Variants in MYOM3 observed in about 807,000 individuals in gnomAD.
MYOM3 encodes myomesin 3, also known as myomesin-3.
In MYOM3, 155 loss-of-function variants were observed where a neutral mutation model predicts 191.7. That is an observed-to-expected ratio of 0.81 (90% CI 0.71 to 0.92). The LOEUF (loss-of-function observed/expected upper bound fraction) is 0.92, where lower values mean the gene tolerates loss of function less well. MYOM3 is among the 40% of genes least tolerant of loss of function. The pLI, the probability that MYOM3 is intolerant of heterozygous loss-of-function variation, is 0.00. For synonymous variants in MYOM3, 757 were observed against 762.9 expected, an observed-to-expected ratio of 0.99 and a Z score of 0.13; for missense variants, 1,889 against 1,890.6, an observed-to-expected ratio of 1.00 and a Z score of 0.02.
At chr1:24,062,395 T>G (rs890544338) in intron 32 of MYOM3, among the ~76,000 whole-genome samples, 3 of 152,192 alleles carry the variant, frequency 2.0e-5, no homozygotes, top group African/African-American at 7.2e-5. Flanking sequence ...GTCACAGGGC[T>G]CAGAAACTCG....
rs72648550 is a variant in MYOM3 at position 24,090,707 on chromosome 1, T to C, written c.1432+90A>G. 5,090 of 1,325,288 alleles carry C rather than the reference T, an allele frequency of 3.8e-3. 21 individuals are homozygous for C. Among genetic ancestry groups the C allele is most frequent in the Non-Finnish European group, 4.9e-3 (4,574 of 936,342 alleles). The allele number at this position is 1,325,288 out of a possible 1,614,324, so 82.1% of individuals were successfully genotyped here. The stretch of plus-strand genomic sequence containing the variant: ...GTGCTTCCTCCACCAGACTCGGGGC[T>C]CCTGAGGGCTGGATTGTCTCCTGTG... On this transcript the variant is annotated intron_variant, in intron 12 of 36. Coordinates refer to ENST00000374434, the MANE Select transcript of MYOM3 (RefSeq NM_152372.4).
rs779890799 is a variant in MYOM3, at chr1:24,098,220, C to T, written c.657-209G>A. 3.3e-5 allele frequency among the ~76,000 whole-genome samples: 5 copies of T among 152,284 alleles called. 1 individual carries two copies. Among genetic ancestry groups the T allele is most frequent in the Middle Eastern group, 6.8e-3 (2 of 294 alleles). On this transcript the variant is annotated intron_variant, in intron 6 of 36. Transcript: ENST00000374434. ...GGTGTCCTCTGAAAAACTGGGGACACGACACCACCTAAACCGTCTCAGGAG... is the reference window on the plus strand; with the variant it reads ...GGTGTCCTCTGAAAAACTGGGGACATGACACCACCTAAACCGTCTCAGGAG...
At chr1:24,065,867 C>A (rs1643427489) in intron 29 of MYOM3, 24 bp downstream of exon 29, 2 of 1,524,960 alleles carry the variant, frequency 1.3e-6, no homozygotes, top group East Asian at 2.3e-5. Flanking sequence ...AGAAAGTGAG[C>A]CCTGAAGCTG....
intron 16 of MYOM3, 66 bp from the exon 17 acceptor site, chr1:24,082,780 G>A (rs1031767032): frequency 2.9e-5 from 44 of 1,493,650 alleles, no homozygotes; most frequent in African/African-American, 4.3e-5. Flanking sequence ...AAACTTGCTA[G>A]AACAACTTTG....
rs1643406621 is a variant in MYOM3 at position 24,064,131 on chromosome 1, C to G, written c.3563G>C (p.Arg1188Thr). Residue 1188 changes from arginine (R) to threonine (T), a missense_variant, in exon 30 of 37, where the codon AGA becomes ACA. Coordinates refer to ENST00000374434, the MANE Select transcript of MYOM3 (RefSeq NM_152372.4). ...CCCTCGATCGTCAGAAACCATCGCT[C>G]TGTAAATTCCCTTGTCCTTTTTGGA... is the stretch of plus-strand genomic sequence containing the variant. ...ELSKKDKGIYRAMVSDDRGED... is the reference protein window; with the variant it reads ...ELSKKDKGIYTAMVSDDRGED... 2 of 1,613,914 alleles carry G rather than the reference C, an allele frequency of 1.2e-6. No homozygotes were observed. Among genetic ancestry groups the G allele is most frequent in the Admixed American group, 3.3e-5 (2 of 60,000 alleles).
At chr1:24,107,385 C>T (rs1489223291) in intron 3 of MYOM3, among the ~76,000 whole-genome samples, 153 bp from the exon 4 acceptor site, 2 of 152,256 alleles carry the variant, frequency 1.3e-5, no homozygotes, top group Non-Finnish European at 2.9e-5. Context: ...TCCAAAACAG[C>T]CTGGAAGGGC....
At chr1:24,099,304 A>C (rs1034346873) in intron 6 of MYOM3, among the ~76,000 whole-genome samples, 5 of 152,148 alleles carry the variant, frequency 3.3e-5, no homozygotes, top group Non-Finnish European at 7.3e-5. Context: ...GCACAGGTGC[A>C]TATGTGTGCA....
Position 24,093,076 on chromosome 1 carries a change from T to A in MYOM3, c.961A>T (p.Ile321Phe). 6.2e-7 allele frequency: 1 copy of A among 1,611,596 alleles called. No individual in the cohort carries two copies. Among genetic ancestry groups the A allele is most frequent in the East Asian group, 2.2e-5 (1 of 44,826 alleles). ...GATGCCTGGCGGTCTGTGTAGAGGA[T>A]CTTCCGACGTCTCGAGGACCTCAGT... ...SLLRSSRRRK[I>F]LYTDRQASLK... is the part of the protein sequence containing the mutation. Residue 321 changes from isoleucine to phenylalanine, a missense_variant, in exon 10 of 37, where the codon ATC (isoleucine) becomes TTC (phenylalanine). Physicochemically the swap from Ile to Phe is conservative, Grantham distance 21. Transcript: ENST00000374434.
chr1:24,071,741 TA>T (rs1643534350), intron 24 of MYOM3, among the ~76,000 whole-genome samples: 1 of 152,232 alleles, frequency 6.6e-6, no homozygotes, highest in South Asian at 2.1e-4. Context: ...ACAGTAATTA[TA>T]AAAGAGGAAA....
rs145623479 is a variant in MYOM3 at position 24,088,882 on chromosome 1, CTCTAT to C, written c.1614+651_1614+655del. ...TTATTTCATCTTCACAGGGCAGGTT[CTCTAT>C]TCTATGCTGGAGGAAACTGAGGCTC... On this transcript the variant is annotated intron_variant, in intron 14 of 36. Coordinates refer to ENST00000374434, the MANE Select transcript of MYOM3 (RefSeq NM_152372.4). Among the ~76,000 whole-genome samples, 1,519 of 152,246 alleles carry C rather than the reference CTCTAT, an allele frequency of 1.0e-2. 20 individuals are homozygous for C. Among genetic ancestry groups the C allele is most frequent in the African/African-American group, 0.035 (1,466 of 41,538 alleles).
At chr1:24,066,724 A>G (rs564867682) in intron 28 of MYOM3, 13 of 440,464 alleles carry the variant, frequency 3.0e-5, no homozygotes, top group African/African-American at 2.6e-4. Context: ...ACCCCTCAAC[A>G]TATAAACCCT....
intron 27 of MYOM3, among the ~76,000 whole-genome samples, chr1:24,067,345 T>TTTCC (rs1557602374): frequency 1.6e-3 from 134 of 83,104 alleles, no homozygotes; most frequent in Non-Finnish European, 2.1e-3. Flanking sequence ...TCTTTCTTTC[T>TTTCC]TTCTTTCTTT....
chr1:24,096,435 A>G (rs1012645555), intron 7 of MYOM3, among the ~76,000 whole-genome samples: 3 of 152,068 alleles, frequency 2.0e-5, no homozygotes, highest in African/African-American at 7.2e-5. Flanking sequence ...ATCTGGAAGG[A>G]GTGGTGGGAA....
At position 24,094,968 on chromosome 1, in the gene MYOM3, C is replaced by T. The variant is rs777628162; in HGVS notation, c.813G>A (p.Val271=). The T allele has an allele frequency of 2.5e-6, 4 of 1,613,356 alleles. No individual in the cohort carries two copies. Among genetic ancestry groups the T allele is most frequent in the African/African-American group, 1.3e-5 (1 of 74,868 alleles). The part of the protein sequence containing the change: ...IFKRSTFGPS[V]EFTSVLKPVF... The stretch of plus-strand genomic sequence containing the variant: ...CTGGCTTCAGCACCGAGGTGAATTC[C>T]ACGCTGGGGCCAAACGTCGATCCTG... Residue 271 remains valine, a synonymous_variant, in exon 9 of 37, where the codon GTG becomes GTA. Transcript: ENST00000374434.
intron 23 of MYOM3, 146 bp downstream of exon 23, chr1:24,074,014 A>T: frequency 1.6e-6 from 1 of 620,808 alleles, no homozygotes; most frequent in South Asian, 2.0e-5. Flanking sequence ...ATATCTATTG[A>T]TGGAAAGAAT....
Position 24,067,429 on chromosome 1 carries a change from TC to T in MYOM3, c.3356-342del, listed in dbSNP as rs1643463618. ...TTCCTTCCTTCCTTCCTTCCTTCCT[TC>T]CTTCCTTCCTTCCTTTGTTTCCTTC... On this transcript the variant is annotated intron_variant, in intron 27 of 36. Transcript: ENST00000374434. Among the ~76,000 whole-genome samples the T allele has an allele frequency of 2.3e-5, 3 of 129,286 alleles. 1 individual carries two copies. Among genetic ancestry groups the T allele is most frequent in the Non-Finnish European group, 3.2e-5 (2 of 61,826 alleles). 84.8% of individuals were successfully genotyped at this position (129,286 alleles called of 152,430 possible). A position where few individuals can be genotyped will look rare whatever the true frequency, so the allele number is the denominator to read the frequency against.
chr1:24,109,633 C>A (rs183294531), intron 1 of MYOM3, among the ~76,000 whole-genome samples: 15 of 152,258 alleles, frequency 9.9e-5, no homozygotes, highest in Middle Eastern at 3.4e-3. Context: ...ATGTTCCATG[C>A]CCATGTTAGT....
chr1:24,061,405 G>T, intron 33 of MYOM3, 96 bp from the exon 34 acceptor site: 1 of 1,221,850 alleles, frequency 8.2e-7, no homozygotes, highest in South Asian at 1.3e-5. Flanking sequence ...ATCCCTGACT[G>T]TCCTCCACTC....
chr1:24,094,995 C>A lies in MYOM3; in HGVS notation c.791-5G>T. The A allele has an allele frequency of 6.2e-7, 1 of 1,610,428 alleles. No individual in the cohort carries two copies. Among genetic ancestry groups the A allele is most frequent in the Non-Finnish European group, 8.5e-7 (1 of 1,178,286 alleles). On this transcript the variant is annotated splice_polypyrimidine_tract_variant and splice_region_variant and intron_variant, in intron 8 of 36. Coordinates refer to ENST00000374434, the MANE Select transcript of MYOM3 (RefSeq NM_152372.4). ...CGCTGGGGCCAAACGTCGATCCTGG[C>A]GTGGGAATGAAATTTGGGGCAGAAG...
Sources: allele counts gnomAD v4.1 joint callset (sites outside exome capture counted in the v4.1 genomes callset), GRCh38; gene constraint gnomAD v4.1.1; transcripts MANE v1.5; gene names NCBI Gene and HGNC (gene_info 2026-07-23, HGNC 2026-07-21).